The following BTK variants were observed in gnomAD, a reference collection of about 807,000 sequenced individuals.
BTK encodes Bruton tyrosine kinase.
Under a neutral mutation model 57.4 loss-of-function variants are expected in BTK, and 5 were observed. The ratio of observed to expected loss-of-function variants is 0.09; its 90% CI spans 0.05 to 0.18. The LOEUF (loss-of-function observed/expected upper bound fraction) is 0.18. BTK is among the 10% of genes least tolerant of loss of function. The pLI, the probability that BTK is intolerant of heterozygous loss-of-function variation, is 1.00. For synonymous variants in BTK, 154 were observed against 174.3 expected (o/e 0.88, Z 0.92); for missense variants, 194 against 501.2 (o/e 0.39, Z 5.85).
intron 18 of BTK, among the ~76,000 whole-genome samples, 158 bp from the exon 19 acceptor site, chrX:101,350,114 A>T (rs1926228421): frequency 9.1e-6 from 1 of 109,322 alleles, no homozygotes; most frequent in South Asian, 3.9e-4. Flanking sequence ...AAGAAATAGC[A>T]GCTCTCCATA....
At chrX:101,367,965 T>C (rs1555979730) in intron 5 of BTK, among the ~76,000 whole-genome samples, 2 of 111,906 alleles carry the variant, frequency 1.8e-5, no homozygotes, top group Non-Finnish European at 3.8e-5. Flanking sequence ...AGTACAAGTA[T>C]ACATGTCCTG....
At chrX:101,362,936 G>A (rs1401992206) in intron 5 of BTK, 2 of 413,614 alleles carry the variant, frequency 4.8e-6, no homozygotes, top group South Asian at 6.7e-5. Context: ...CAATCAACAA[G>A]ATAAGACTAT....
chrX:101,360,493 G>C, intron 8 of BTK, 75 bp downstream of exon 8: 1 of 1,067,799 alleles, frequency 9.4e-7, no homozygotes, highest in African/African-American at 1.8e-5. Context: ...CTGATCACGG[G>C]AATTATGCCG....
At chrX:101,360,503 G>A (rs1282231032) in intron 8 of BTK, 65 bp downstream of exon 8, 13 of 1,114,362 alleles carry the variant, frequency 1.2e-5, no homozygotes, top group South Asian at 1.8e-5. Context: ...GAATTATGCC[G>A]CAGCACTTTT....
intron 18 of BTK, among the ~76,000 whole-genome samples, chrX:101,351,542 C>T (rs909239862): frequency 3.6e-5 from 4 of 111,350 alleles, no homozygotes; most frequent in Non-Finnish European, 7.5e-5. Context: ...CAGCCATGCT[C>T]GGATCCAGAT....
At chrX:101,373,580 G>A (rs782374458) in intron 3 of BTK, among the ~76,000 whole-genome samples, 4 of 112,319 alleles carry the variant, frequency 3.6e-5, no homozygotes, top group South Asian at 3.7e-4. Flanking sequence ...AAGTGTATGC[G>A]TATGTGTTCT....
At chrX:101,368,496 C>T (rs781794389) in intron 5 of BTK, among the ~76,000 whole-genome samples, 1 of 112,214 alleles carries the variant, frequency 8.9e-6, no homozygotes, top group African/African-American at 3.2e-5. Flanking sequence ...CCACCATTCA[C>T]TGTGTGCCCA....
intron 1 of BTK, among the ~76,000 whole-genome samples, chrX:101,379,308 C>T (rs1927332762): frequency 8.9e-6 from 1 of 111,760 alleles, no homozygotes; most frequent in Admixed American, 9.5e-5. Flanking sequence ...CAAATGACTA[C>T]TTAGCCAAAA....
At chrX:101,372,730 C>T (rs1927073358) in intron 3 of BTK, among the ~76,000 whole-genome samples, 1 of 106,430 alleles carries the variant, frequency 9.4e-6, no homozygotes. Context: ...CAGGCGTGAG[C>T]CACCACGCCC....
chrX:101,352,268 T>C (rs1161021664), intron 18 of BTK, among the ~76,000 whole-genome samples: 1 of 111,819 alleles, frequency 8.9e-6, no homozygotes, highest in East Asian at 2.8e-4. Context: ...GAACAAACTT[T>C]CATGACTTTT....
At chrX:101,381,657 C>T (rs1927430098) in intron 1 of BTK, among the ~76,000 whole-genome samples, 1 of 112,039 alleles carries the variant, frequency 8.9e-6, no homozygotes, top group South Asian at 3.7e-4. Flanking sequence ...TGGTGTTTAT[C>T]ATTCCTAGGT....
At chrX:101,369,482 G>A (rs1227002570) in intron 5 of BTK, among the ~76,000 whole-genome samples, 1 of 111,445 alleles carries the variant, frequency 9.0e-6, no homozygotes, top group Non-Finnish European at 1.9e-5. Flanking sequence ...TTAATTTTTT[G>A]GAGCTAGGTA....
In BTK at chrX:101,374,626, G is replaced by T. The variant is rs782244309; in HGVS notation, c.150C>A (p.Gly50=). 3 of 1,195,915 alleles carry T rather than the reference G, an allele frequency of 2.5e-6. No homozygotes were observed. The highest frequency in any genetic ancestry group is 3.4e-6 in the Non-Finnish European group (3 of 882,677). Residue 50 remains glycine, a synonymous_variant, in exon 3 of 19, where the codon GGC becomes GGA. Coordinates refer to ENST00000308731, the MANE Select transcript of BTK (RefSeq NM_000061.3). Reference sequence around the variant, plus strand: ...CAACATCTATTGAACCCTTCTTACTGCCTCTTCTCTGAGAAGTAGAATGAG... The same window carrying T: ...CAACATCTATTGAACCCTTCTTACTTCCTCTTCTCTGAGAAGTAGAATGAG... ...YEYDFERGRR[G]SKKGSIDVEK... is the part of the protein sequence containing the mutation.
Position 101,353,656 on chromosome X carries a change from T to C in BTK, c.1750+214A>G, listed in dbSNP as rs782344470. Among the ~76,000 whole-genome samples the C allele has an allele frequency of 2.8e-4, 31 of 112,430 alleles. 1 individual carries two copies. Among genetic ancestry groups the C allele is most frequent in the Non-Finnish European group, 5.3e-4 (28 of 53,305 alleles). ...TGAAAACTGAATGAATTGTTTTCCTTAACATGGTTTAAGTTCTAAAAAGGC... is the reference window on the plus strand; with the variant it reads ...TGAAAACTGAATGAATTGTTTTCCTCAACATGGTTTAAGTTCTAAAAAGGC... On this transcript the variant is annotated intron_variant, in intron 17 of 18. Transcript: ENST00000308731.
At chrX:101,390,433 C>T (rs1555983039), upstream of BTK, 1 of 511,441 alleles carries the variant, frequency 2.0e-6, no homozygotes, top group South Asian at 2.5e-5. Flanking sequence ...CTTCAAAGTA[C>T]TTAGTTCATA....
chrX:101,355,312 C>T (rs1304520983), intron 15 of BTK, among the ~76,000 whole-genome samples: 3 of 111,940 alleles, frequency 2.7e-5, no homozygotes, highest in Non-Finnish European at 5.6e-5. Context: ...AAACAAAAAA[C>T]AAAGAAGGGA....
At chrX:101,379,863 CAACTATACTTTT>C (rs1927355017) in intron 1 of BTK, among the ~76,000 whole-genome samples, 1 of 112,066 alleles carries the variant, frequency 8.9e-6, no homozygotes, top group African/African-American at 3.2e-5. Flanking sequence ...TGGTAACTGT[CAACTATACTTTT>C]TTTGCACTTG....
At chrX:101,382,529 C>T (rs1371006849) in intron 1 of BTK, among the ~76,000 whole-genome samples, 3 of 110,275 alleles carry the variant, frequency 2.7e-5, no homozygotes, top group African/African-American at 9.9e-5. Flanking sequence ...GCTTGAGCCA[C>T]CGCGCCTGGC....
intron 5 of BTK, chrX:101,362,959 G>C: frequency 2.6e-6 from 1 of 391,781 alleles, no homozygotes; most frequent in Admixed American, 4.2e-5. Flanking sequence ...GATGGCTTGA[G>C]AGCCCAACAA....
Sources: allele counts gnomAD v4.1 joint callset (sites outside exome capture counted in the v4.1 genomes callset), GRCh38; gene constraint gnomAD v4.1.1; transcripts MANE v1.5; gene names NCBI Gene and HGNC (gene_info 2026-07-23, HGNC 2026-07-21).